Variants in NALCN observed in about 807,000 individuals in gnomAD.
NALCN encodes sodium leak channel, non-selective.
Under a neutral mutation model 225.3 loss-of-function variants are expected in NALCN, and 111 were observed. The observed-to-expected ratio is 0.49, with a 90% CI of 0.42 to 0.58. The LOEUF (loss-of-function observed/expected upper bound fraction) is 0.58, where lower values mean the gene tolerates loss of function less well. Ranked by LOEUF, NALCN falls within the 20% of genes least tolerant of loss-of-function variation. NALCN has a pLI of 0.00. For missense variants in NALCN, 1,378 were observed against 2,202.4 expected (o/e 0.63, Z 7.49); for synonymous variants, 764 against 769.0 (o/e 0.99, Z 0.11).
At chr13:101,200,015 C>G (rs1250948676) in intron 13 of NALCN, among the ~76,000 whole-genome samples, 2 of 151,990 alleles carry the variant, frequency 1.3e-5, no homozygotes, top group Non-Finnish European at 2.9e-5. Flanking sequence ...CAGATCTTTT[C>G]TTATATCTCA....
At chr13:101,210,155 G>C (rs2040467075) in intron 13 of NALCN, among the ~76,000 whole-genome samples, 1 of 152,072 alleles carries the variant, frequency 6.6e-6, no homozygotes, top group Admixed American at 6.6e-5. Context: ...GCTTCCATTT[G>C]CTTAGAGGGG....
At chr13:101,215,299 G>A (rs2140091642) in intron 13 of NALCN, among the ~76,000 whole-genome samples, 1 of 152,250 alleles carries the variant, frequency 6.6e-6, no homozygotes, top group Non-Finnish European at 1.5e-5. Flanking sequence ...ACAAATCAAT[G>A]TACAAAAATG....
At chr13:101,303,856 G>A (rs149985212) in intron 7 of NALCN, among the ~76,000 whole-genome samples, 284 of 152,334 alleles carry the variant, frequency 1.9e-3, no homozygotes, top group African/African-American at 6.6e-3. Context: ...CATTTGTGCT[G>A]TGGCTGATGG....
chr13:101,181,999 T>C (rs1329618613), intron 14 of NALCN, among the ~76,000 whole-genome samples: 1 of 151,582 alleles, frequency 6.6e-6, no homozygotes, highest in African/African-American at 2.4e-5. Flanking sequence ...CCGGGCGTGG[T>C]GGCGGGTGCC....
chr13:101,203,154 C>A (rs1269396285), intron 13 of NALCN, among the ~76,000 whole-genome samples: 1 of 152,152 alleles, frequency 6.6e-6, no homozygotes, highest in African/African-American at 2.4e-5. Flanking sequence ...TTGAAATCTG[C>A]CTTAAAAATA....
At chr13:101,181,010 A>T (rs2039191190) in intron 14 of NALCN, 1 of 487,832 alleles carries the variant, frequency 2.0e-6, no homozygotes, top group Non-Finnish European at 4.1e-6. Context: ...AAATTCACAC[A>T]TTTAGTTCTG....
At chr13:101,131,869 T>C (rs1459650595) in intron 17 of NALCN, among the ~76,000 whole-genome samples, 1 of 152,188 alleles carries the variant, frequency 6.6e-6, no homozygotes, top group Non-Finnish European at 1.5e-5. Context: ...GCCTCTGTCA[T>C]CTTTATAGAA....
intron 3 of NALCN, among the ~76,000 whole-genome samples, chr13:101,387,227 CAAAAAAAAAAAAAAA>C (rs747159185): frequency 3.4e-5 from 1 of 29,048 alleles, no homozygotes; most frequent in Non-Finnish European, 7.7e-5. Context: ...GACTCCGTCT[CAAAAAAAAAAAAAAA>C]AAAAAAAAAA....
At chr13:101,378,816 TTACTTA>T (rs1359220197) in intron 3 of NALCN, among the ~76,000 whole-genome samples, 163 bp from the exon 4 acceptor site, 1 of 152,206 alleles carries the variant, frequency 6.6e-6, no homozygotes, top group Non-Finnish European at 1.5e-5. Context: ...TTAAGTAGCA[TTACTTA>T]TAAGAAAAAT....
chr13:101,195,585 A>T (rs1353252244), intron 13 of NALCN, among the ~76,000 whole-genome samples: 1 of 152,224 alleles, frequency 6.6e-6, no homozygotes, highest in Non-Finnish European at 1.5e-5. Flanking sequence ...ATTTTGGTAT[A>T]AGTAATGAGA....
At chr13:101,066,065 C>A (rs1336544751) in intron 39 of NALCN, among the ~76,000 whole-genome samples, 1 of 151,896 alleles carries the variant, frequency 6.6e-6, no homozygotes, top group Non-Finnish European at 1.5e-5. Flanking sequence ...TTGGATCATG[C>A]CTGTAATCTC....
chr13:101,122,765 C>T (rs953964121), intron 18 of NALCN, among the ~76,000 whole-genome samples: 7 of 152,166 alleles, frequency 4.6e-5, no homozygotes, highest in African/African-American at 1.4e-4. Flanking sequence ...AAAAGTCTGG[C>T]TTTATTTTTC....
intron 6 of NALCN, among the ~76,000 whole-genome samples, chr13:101,362,526 G>A (rs947726636): frequency 2.0e-5 from 3 of 151,878 alleles, no homozygotes; most frequent in East Asian, 1.9e-4. Flanking sequence ...AAAAGCATTT[G>A]GTAAAATTCA....
At chr13:101,203,583 A>G (rs771797425) in intron 13 of NALCN, among the ~76,000 whole-genome samples, 5 of 152,188 alleles carry the variant, frequency 3.3e-5, no homozygotes, top group Non-Finnish European at 7.3e-5. Flanking sequence ...CCATTTTTAT[A>G]AAGTTCAAAA....
intron 7 of NALCN, among the ~76,000 whole-genome samples, chr13:101,308,139 T>C (rs2044213887): frequency 6.6e-6 from 1 of 152,224 alleles, no homozygotes; most frequent in African/African-American, 2.4e-5. Context: ...GGCTTCATTT[T>C]TGGAATATAT....
At chr13:101,286,864 T>TACAC (rs71121180) in intron 9 of NALCN, among the ~76,000 whole-genome samples, 1,838 of 146,996 alleles carry the variant, frequency 0.013, 18 homozygotes, top group African/African-American at 0.029. Flanking sequence ...CCAGGTATTA[T>TACAC]ACACACACAC....
At chr13:101,084,862 A>T (rs1163110552) in intron 30 of NALCN, among the ~76,000 whole-genome samples, 2 of 152,164 alleles carry the variant, frequency 1.3e-5, no homozygotes, top group Non-Finnish European at 2.9e-5. Flanking sequence ...GCATCTTTAC[A>T]TTTACCAGAT....
At position 101,405,578 on chromosome 13, in the gene NALCN, T is replaced by C. The variant is rs9513887; in HGVS notation, c.-39-6413A>G. 8.0e-3 allele frequency among the ~76,000 whole-genome samples: 1,223 copies of C among 152,014 alleles called. 10 individuals carry two copies. The highest frequency in any genetic ancestry group is 0.012 in the Non-Finnish European group (812 of 67,962). Reference sequence around the variant, plus strand: ...GAGCCCAGATCATCTGTGTCCTGCATGCTCACGCTCTTCCTCTCCCTCCAT... The same window carrying C: ...GAGCCCAGATCATCTGTGTCCTGCACGCTCACGCTCTTCCTCTCCCTCCAT... On this transcript the variant is annotated intron_variant, in intron 1 of 43. Transcript: ENST00000251127.
At position 101,377,041 on chromosome 13, in the gene NALCN, C is replaced by G; in HGVS notation, c.391G>C (p.Asp131His). Residue 131 changes from aspartate (D) to histidine (H), a missense_variant, in exon 5 of 44, where the codon GAT (aspartate) becomes CAT (histidine). Around this residue, in one of 19 missense-constraint regions of NALCN, gnomAD observed 146 missense variants for 205.9 expected, o/e 0.71. Coordinates refer to ENST00000251127, the MANE Select transcript of NALCN (RefSeq NM_052867.4). ...SLVLQVFEIA[D>H]IVDQMSPWGM... ...CAAGGTGACATCTGATCAACTATAT[C>G]AGCAATTTCAAACACCTACAAATTA... 1 of 1,614,140 alleles carries G rather than the reference C, an allele frequency of 6.2e-7. No individual in the cohort carries two copies. Among genetic ancestry groups the G allele is most frequent in the Non-Finnish European group, 8.5e-7 (1 of 1,180,008 alleles).
Sources: allele counts gnomAD v4.1 joint callset (sites outside exome capture counted in the v4.1 genomes callset), GRCh38; gene constraint gnomAD v4.1.1; regional missense constraint gnomAD v4.1.1; transcripts MANE v1.5; gene names NCBI Gene and HGNC (gene_info 2026-07-23, HGNC 2026-07-21).